The following GHRHR variants were observed in gnomAD, a reference collection of about 807,000 sequenced individuals.
The protein encoded by GHRHR is growth hormone releasing hormone receptor.
A neutral mutation model predicts 58.3 loss-of-function variants in GHRHR; 40 were observed. The observed-to-expected ratio is 0.69, with a 90% confidence interval of 0.53 to 0.89. The LOEUF is 0.89. Ranked by LOEUF, GHRHR falls within the 40% of genes least tolerant of loss-of-function variation. The probability of loss-of-function intolerance (pLI) is 0.00; values close to 1 mark genes in which losing one functional copy is unlikely to be tolerated. For missense variants in GHRHR, 551 were observed against 541.3 expected, an observed-to-expected ratio of 1.02 and a Z score of -0.18; for synonymous variants, 249 against 216.6, an observed-to-expected ratio of 1.15 and a Z score of -1.31.
chr7:30,969,929 G>A lies in GHRHR; in HGVS notation c.331G>A (p.Ala111Thr). Residue 111 changes from alanine (A) to threonine (T), a missense_variant, in exon 4 of 13, where the codon GCC becomes ACC. By Grantham distance (58) the Ala-to-Thr change is moderately conservative. Coordinates refer to ENST00000326139, the MANE Select transcript of GHRHR (RefSeq NM_000823.4). ...WSEPFPPYPVACPVPLELLAE... is the reference protein window; with the variant it reads ...WSEPFPPYPVTCPVPLELLAE... Reference sequence around the variant, plus strand: ...TGAGCCCTTTCCACCTTACCCTGTGGCCTGCCCTGTGCCTCTGGAGCTGCT... The same window carrying A: ...TGAGCCCTTTCCACCTTACCCTGTGACCTGCCCTGTGCCTCTGGAGCTGCT... 1 of 1,525,838 alleles carries A rather than the reference G, an allele frequency of 6.6e-7. No individual in the cohort carries two copies. The highest frequency in any genetic ancestry group is 9.1e-7 in the Non-Finnish European group (1 of 1,099,116). The allele number at this position is 1,525,838 out of a possible 1,614,324, so 94.5% of individuals were successfully genotyped here. A position where few individuals can be genotyped will look rare whatever the true frequency, so the allele number is the denominator to read the frequency against.
chr7:30,977,047 A>G (rs969147816), intron 11 of GHRHR, among the ~76,000 whole-genome samples: 1 of 152,244 alleles, frequency 6.6e-6, no homozygotes, highest in Admixed American at 6.5e-5. Flanking sequence ...GGATGCAGAA[A>G]TAAAGTCAGA....
In GHRHR at chr7:30,979,227, C is replaced by A. The variant is rs1185518451; in HGVS notation, c.1255C>A (p.Leu419Met). 2 of 1,613,992 alleles carry A rather than the reference C, an allele frequency of 1.2e-6. No homozygotes were observed. Among genetic ancestry groups the A allele is most frequent in the Non-Finnish European group, 1.7e-6 (2 of 1,179,890 alleles). The change falls in exon 13 of 13, where the codon CTG (leucine) becomes ATG (methionine). Residue 419 changes from leucine to methionine, a missense_variant. By Grantham distance (15) the Leu-to-Met change is conservative. Transcript: ENST00000326139. Reference protein sequence around the residue: ...TTPSRSAAKVLTSMC With the variant: ...TTPSRSAAKVMTSMC ...GCCTTCCCGCTCGGCGGCAAAGGTGCTGACATCTATGTGCTAGGCTGCCTC... is the reference window on the plus strand; with the variant it reads ...GCCTTCCCGCTCGGCGGCAAAGGTGATGACATCTATGTGCTAGGCTGCCTC...
rs1295580741 is a variant in GHRHR at position 30,979,380 on chromosome 7, C to A, written c.*136C>A. The A allele has an allele frequency of 5.0e-6, 4 of 794,056 alleles. No individual in the cohort carries two copies. The highest frequency in any genetic ancestry group is 4.2e-6 in the Non-Finnish European group (2 of 475,762). The allele number at this position is 794,056 out of a possible 1,614,324, so 49.2% of individuals were successfully genotyped here. A position where few individuals can be genotyped will look rare whatever the true frequency, so the allele number is the denominator to read the frequency against. The stretch of plus-strand genomic sequence containing the variant: ...CCCGGGGCAGGTGCAGCCCTTCCTC[C>A]CTGTCTCTGCATCTGACTCTCTTTT... On this transcript the variant is annotated 3_prime_UTR_variant, in exon 13 of 13. Coordinates refer to ENST00000326139, the MANE Select transcript of GHRHR (RefSeq NM_000823.4).
chr7:30,971,640 C>A (rs1433824866), intron 5 of GHRHR, among the ~76,000 whole-genome samples: 2 of 152,080 alleles, frequency 1.3e-5, no homozygotes, highest in African/African-American at 4.8e-5. Flanking sequence ...TTCTTGGTCT[C>A]ATGGGGATGA....
At chr7:30,964,298 C>T (rs368393815) in intron 1 of GHRHR, among the ~76,000 whole-genome samples, 173 bp downstream of exon 1, 151 of 152,292 alleles carry the variant, frequency 9.9e-4, no homozygotes, top group African/African-American at 3.4e-3. Flanking sequence ...GGGGCTCCCT[C>T]CCTCATCTCC....
chr7:30,972,201 G>C (rs1443231195), intron 6 of GHRHR, 106 bp downstream of exon 6: 9 of 1,275,482 alleles, frequency 7.1e-6, no homozygotes, highest in Non-Finnish European at 1.0e-5. Flanking sequence ...GGCTGACCCT[G>C]GGGCTCCCGC....
chr7:30,976,255 G>C (rs1251755784), intron 10 of GHRHR, among the ~76,000 whole-genome samples, 174 bp from the exon 11 acceptor site: 1 of 152,164 alleles, frequency 6.6e-6, no homozygotes, highest in Non-Finnish European at 1.5e-5. Flanking sequence ...GGAATCAGCA[G>C]GATCCAGCGC....
At chr7:30,972,934 G>A (rs1792505732) in intron 6 of GHRHR, among the ~76,000 whole-genome samples, 1 of 152,182 alleles carries the variant, frequency 6.6e-6, no homozygotes, top group Admixed American at 6.5e-5. Context: ...GTTGTCCCTT[G>A]AACAATGTGG....
At chr7:30,976,844 C>T (rs529485962) in intron 11 of GHRHR, among the ~76,000 whole-genome samples, 1 of 151,896 alleles carries the variant, frequency 6.6e-6, no homozygotes, top group Admixed American at 6.6e-5. Context: ...ATCCATCCAT[C>T]CATCCACTCA....
At chr7:30,977,701 G>C (rs569620977) in intron 12 of GHRHR, among the ~76,000 whole-genome samples, 22 of 152,270 alleles carry the variant, frequency 1.4e-4, no homozygotes, top group Middle Eastern at 3.4e-3. Context: ...GACAATCAGA[G>C]AGAACAGATA....
chr7:30,969,079 G>C lies in GHRHR; in HGVS notation c.177G>C (p.Trp59Cys), dbSNP rs1422321381. The C allele has an allele frequency of 1.6e-5, 26 of 1,580,582 alleles. No individual in the cohort carries two copies. Among genetic ancestry groups the C allele is most frequent in the Non-Finnish European group, 2.1e-5 (25 of 1,162,876 alleles). ...TCTATCCAGGCTGCCCTGCGACCTGGGATGGGCTGCTGTGCTGGCCAACGG... is the reference window on the plus strand; with the variant it reads ...TCTATCCAGGCTGCCCTGCGACCTGCGATGGGCTGCTGTGCTGGCCAACGG... ...PNTTLGCPAT[W>C]DGLLCWPTAG... The change falls in exon 3 of 13, where the codon TGG becomes TGC. Residue 59 changes from tryptophan to cysteine, a missense_variant. Trp to Cys is a radical substitution (Grantham distance 215). Coordinates refer to ENST00000326139, the MANE Select transcript of GHRHR (RefSeq NM_000823.4).
Position 30,974,990 on chromosome 7 carries a change from AC to A in GHRHR, c.834del (p.Ser279ProfsTer17). The A allele has an allele frequency of 6.2e-7, 1 of 1,611,602 alleles. No individual in the cohort carries two copies. Among genetic ancestry groups the A allele is most frequent in the Non-Finnish European group, 8.5e-7 (1 of 1,178,590 alleles). On this transcript the variant is annotated frameshift_variant, in exon 9 of 13. Transcript: ENST00000326139. LOFTEE classifies it high-confidence loss of function. ...EDIACWDLDD[T>X]SPYWWIIKGP... ...CCCCAGGTGCTGGGACCTGGACGAC[AC>A]CTCCCCCTACTGGTGGATCATCAAA...
intron 11 of GHRHR, 25 bp from the exon 12 acceptor site, chr7:30,977,256 G>T: frequency 6.2e-7 from 1 of 1,611,400 alleles, no homozygotes; most frequent in Non-Finnish European, 8.5e-7. Context: ...GGTTCTGATG[G>T]GGTCTTTCTT....
intron 6 of GHRHR, among the ~76,000 whole-genome samples, chr7:30,972,717 A>G (rs137891602): frequency 9.2e-5 from 14 of 152,306 alleles, no homozygotes; most frequent in African/African-American, 3.1e-4. Flanking sequence ...GGTGGAGACA[A>G]TAAGAGGCAA....
At chr7:30,967,050 C>T (rs1792373316) in intron 1 of GHRHR, among the ~76,000 whole-genome samples, 1 of 152,198 alleles carries the variant, frequency 6.6e-6, no homozygotes, top group South Asian at 2.1e-4. Flanking sequence ...GACATCTACA[C>T]TGGTTGACTT....
rs142269866 is a variant in GHRHR, at chr7:30,974,263, C to A, written c.751+125C>A. 6 of 1,223,970 alleles carry A rather than the reference C, an allele frequency of 4.9e-6. No homozygotes were observed. The Admixed American group carries it at 7.0e-5, about 14-fold the overall frequency. 75.8% of individuals were successfully genotyped at this position (1,223,970 alleles called of 1,614,324 possible). A position where few individuals can be genotyped will look rare whatever the true frequency, so the allele number is the denominator to read the frequency against. On this transcript the variant is annotated intron_variant, in intron 7 of 12. Transcript: ENST00000326139. Reference sequence around the variant, plus strand: ...AGAAGGAGAGGGACAGGCCACAGTCCGGCAGCAAGTGTTGGAGGGTGGGAC... The same window carrying A: ...AGAAGGAGAGGGACAGGCCACAGTCAGGCAGCAAGTGTTGGAGGGTGGGAC...
chr7:30,965,458 CA>C lies in GHRHR; in HGVS notation c.57+1334del, dbSNP rs1441858582. ...CTGGGAGCCCCAGGATGTGTTTCGC[CA>C]GTCCTAATTCAGCAGGAGCATTTGG... On this transcript the variant is annotated intron_variant, in intron 1 of 12. Coordinates refer to ENST00000326139, the MANE Select transcript of GHRHR (RefSeq NM_000823.4). Among the ~76,000 whole-genome samples, 4 of 152,144 alleles carry C rather than the reference CA, an allele frequency of 2.6e-5. No homozygotes were observed. The East Asian group carries it at 7.7e-4, about 29-fold the overall frequency.
At position 30,979,034 on chromosome 7, in the gene GHRHR, C is replaced by G. The variant is rs916052626; in HGVS notation, c.1147-85C>G. The stretch of plus-strand genomic sequence containing the variant: ...CCATGTCTCTGTTTCTCTTACACGG[C>G]CTCTCCCTGCACCTTAGTCTCATTG... On this transcript the variant is annotated intron_variant, in intron 12 of 12. Coordinates refer to ENST00000326139, the MANE Select transcript of GHRHR (RefSeq NM_000823.4). 4.7e-6 allele frequency: 6 copies of G among 1,289,778 alleles called. No homozygotes were observed. In the African/African-American group the frequency reaches 8.7e-5, roughly 19 times the overall value. 79.9% of individuals were successfully genotyped at this position (1,289,778 alleles called of 1,614,324 possible). A position where few individuals can be genotyped will look rare whatever the true frequency, so the allele number is the denominator to read the frequency against.
At chr7:30,965,168 A>T (rs1453144438) in intron 1 of GHRHR, among the ~76,000 whole-genome samples, 1 of 152,190 alleles carries the variant, frequency 6.6e-6, no homozygotes, top group Non-Finnish European at 1.5e-5. Context: ...AACACAGGAA[A>T]CTTCGACTGC....
Sources: allele counts gnomAD v4.1 joint callset (sites outside exome capture counted in the v4.1 genomes callset), GRCh38; gene constraint gnomAD v4.1.1; transcripts MANE v1.5; gene names NCBI Gene and HGNC (gene_info 2026-07-23, HGNC 2026-07-21).